The following VAV2 variants were observed in gnomAD, a reference collection of about 807,000 sequenced individuals.
VAV2 encodes the protein guanine nucleotide exchange factor VAV2.
Under a neutral mutation model 132.5 loss-of-function variants are expected in VAV2, and 67 were observed. The observed-to-expected ratio is 0.51, with a 90% CI of 0.42 to 0.62. The LOEUF is 0.62. VAV2 is among the 20% of genes least tolerant of loss of function. The pLI is 0.00. For missense variants in VAV2, 938 were observed against 1,153.6 expected (o/e 0.81, Z 2.71); for synonymous variants, 492 against 443.5 (o/e 1.11, Z -1.37).
intron 1 of VAV2, among the ~76,000 whole-genome samples, chr9:133,940,313 G>A (rs1183834707): frequency 6.6e-6 from 1 of 152,178 alleles, no homozygotes; most frequent in Non-Finnish European, 1.5e-5. Flanking sequence ...TAAGAGCCCA[G>A]GATTGTCATC....
At chr9:133,899,122 A>G (rs1839340468) in intron 2 of VAV2, among the ~76,000 whole-genome samples, 1 of 150,856 alleles carries the variant, frequency 6.6e-6, no homozygotes, top group African/African-American at 2.4e-5. Flanking sequence ...CGCCAGGCCC[A>G]GACCCTTCCT....
At chr9:133,858,980 G>A (rs1340535199) in intron 3 of VAV2, among the ~76,000 whole-genome samples, 1 of 152,202 alleles carries the variant, frequency 6.6e-6, no homozygotes, top group African/African-American at 2.4e-5. Flanking sequence ...CCAGGACCAG[G>A]GCCAGCAAGC....
Position 133,863,145 on chromosome 9 carries a change from T to C in VAV2, c.322-1713A>G, listed in dbSNP as rs1837663533. Among the ~76,000 whole-genome samples the C allele has an allele frequency of 6.6e-6, 1 of 152,148 alleles. No individual in the cohort carries two copies. The highest frequency in any genetic ancestry group is 6.5e-5 in the Admixed American group (1 of 15,282). ...TTGGCTTTTAAGAGCTCTAAGCATT[T>C]AGGGAAAACAAAAATGAAAGCAATA... On this transcript the variant is annotated intron_variant, in intron 2 of 29. Transcript: ENST00000371850. The surrounding 1 kb of genome is among the most constrained non-coding windows in gnomAD (Gnocchi z 5.0).
chr9:133,935,103 C>T lies in VAV2; in HGVS notation c.321+4000G>A, dbSNP rs73554664. ...GTTCTGGGGAGAAACAGCTGCCACC[C>T]CCGTCCTGGGCAGGCCAAGGGTGGG... On this transcript the variant is annotated intron_variant, in intron 2 of 29. Transcript: ENST00000371850. This position sits in a 1 kb window ranked among gnomAD's most constrained non-coding sequence, Gnocchi z 5.2. Among the ~76,000 whole-genome samples the T allele has an allele frequency of 0.023, 3,528 of 152,054 alleles. 121 individuals are homozygous for T. The highest frequency in any genetic ancestry group is 0.079 in the African/African-American group (3,276 of 41,450).
chr9:133,915,821 CA>C (rs1444950558), intron 2 of VAV2, among the ~76,000 whole-genome samples: 1 of 21,036 alleles, frequency 4.8e-5, no homozygotes, highest in Non-Finnish European at 3.0e-4. Context: ...CATGCACTCA[CA>C]CACGCACACG....
At chr9:133,895,945 T>A (rs1839183614) in intron 2 of VAV2, among the ~76,000 whole-genome samples, 4 of 82,818 alleles carry the variant, frequency 4.8e-5, no homozygotes, top group Admixed American at 4.4e-4. Flanking sequence ...TTTTTTTTTT[T>A]TTTTAATTGA....
chr9:133,779,797 A>G, intron 21 of VAV2, 121 bp downstream of exon 21: 1 of 1,364,580 alleles, frequency 7.3e-7, no homozygotes, highest in African/African-American at 1.5e-5. Flanking sequence ...GGCAGCATCC[A>G]GGAGCCTGGA....
chr9:133,944,882 G>GC (rs1841305107), intron 1 of VAV2, among the ~76,000 whole-genome samples: 1 of 152,202 alleles, frequency 6.6e-6, no homozygotes, highest in Non-Finnish European at 1.5e-5. Flanking sequence ...GAGAGCTCGG[G>GC]CAAGTCTCCT....
intron 2 of VAV2, among the ~76,000 whole-genome samples, chr9:133,937,181 T>A (rs1357864766): frequency 6.6e-6 from 1 of 152,200 alleles, no homozygotes; most frequent in Non-Finnish European, 1.5e-5. Flanking sequence ...TGTCTAAGTA[T>A]GTGTGTACAT....
At chr9:133,938,694 TCCCCAGCC>T (rs773693826) in intron 2 of VAV2, among the ~76,000 whole-genome samples, 4 of 151,834 alleles carry the variant, frequency 2.6e-5, no homozygotes, top group Non-Finnish European at 4.4e-5. Context: ...CCTCCTCATC[TCCCCAGCC>T]CCTTAGGAGG....
intron 2 of VAV2, among the ~76,000 whole-genome samples, chr9:133,893,942 C>T (rs1489647012): frequency 6.6e-6 from 1 of 152,168 alleles, no homozygotes; most frequent in Admixed American, 6.5e-5. Context: ...AAAGTTCTGT[C>T]GTAATCTCCA....
intron 21 of VAV2, among the ~76,000 whole-genome samples, 163 bp downstream of exon 21, chr9:133,779,755 G>A (rs531729535): frequency 6.6e-6 from 1 of 152,296 alleles, no homozygotes; most frequent in East Asian, 1.9e-4. Flanking sequence ...GTGCCATAGA[G>A]GCCAGAGAGG....
At chr9:133,831,369 G>T (rs1349795407) in intron 4 of VAV2, among the ~76,000 whole-genome samples, 1 of 152,102 alleles carries the variant, frequency 6.6e-6, no homozygotes, top group African/African-American at 2.4e-5. Flanking sequence ...CCTGGAGGTG[G>T]AGGTTGCAGT....
At position 133,826,483 on chromosome 9, in the gene VAV2, T is replaced by G. The variant is rs996594808; in HGVS notation, c.449+7789A>C. ...TGTGTCTAGGATCACTCCCTCCTCA[T>G]GCAGCCACCGGAGTGGCGGGGTGCC... On this transcript the variant is annotated intron_variant, in intron 4 of 29. Coordinates refer to ENST00000371850, the MANE Select transcript of VAV2 (RefSeq NM_001134398.2). The surrounding 1 kb of genome is among the most constrained non-coding windows in gnomAD (Gnocchi z 4.2). Among the ~76,000 whole-genome samples, 8 of 152,164 alleles carry G rather than the reference T, an allele frequency of 5.3e-5. No individual in the cohort carries two copies. Among genetic ancestry groups the G allele is most frequent in the Non-Finnish European group, 1.2e-4 (8 of 68,006 alleles).
chr9:133,945,182 T>C (rs971916201), intron 1 of VAV2, among the ~76,000 whole-genome samples: 2 of 152,258 alleles, frequency 1.3e-5, no homozygotes, highest in Non-Finnish European at 2.9e-5. Flanking sequence ...GCCAGACTGC[T>C]GGCCTCTAAG....
chr9:133,981,901 C>T (rs960584141), intron 1 of VAV2, among the ~76,000 whole-genome samples: 7 of 152,232 alleles, frequency 4.6e-5, no homozygotes, highest in Non-Finnish European at 8.8e-5. Context: ...GTCATGGAGG[C>T]GCTCAGCCCG....
intron 3 of VAV2, among the ~76,000 whole-genome samples, chr9:133,839,544 G>A (rs540047740): frequency 1.1e-4 from 17 of 149,972 alleles, no homozygotes; most frequent in East Asian, 8.1e-4. Context: ...TCTGCCTCCC[G>A]GGTTCAAGTG....
chr9:133,981,814 G>C (rs141226634), intron 1 of VAV2, among the ~76,000 whole-genome samples: 36 of 152,318 alleles, frequency 2.4e-4, no homozygotes, highest in African/African-American at 6.3e-4. Context: ...TTCCAGACAC[G>C]AGGAGCCCGG....
At chr9:133,846,278 C>A (rs568354889) in intron 3 of VAV2, among the ~76,000 whole-genome samples, 8 of 152,100 alleles carry the variant, frequency 5.3e-5, no homozygotes, top group African/African-American at 1.7e-4. Context: ...ACTGACCACA[C>A]CAAAGGGCCT....
Sources: allele counts gnomAD v4.1 joint callset (sites outside exome capture counted in the v4.1 genomes callset), GRCh38; gene constraint gnomAD v4.1.1; non-coding constraint Gnocchi (gnomAD v3.1); transcripts MANE v1.5; gene names NCBI Gene and HGNC (gene_info 2026-07-23, HGNC 2026-07-21).